The following YIPF7 variants were observed in gnomAD, a reference collection of about 807,000 sequenced individuals.
YIPF7 encodes the protein Yip1 domain family member 7, also known as protein YIPF7.
A neutral mutation model predicts 27.2 loss-of-function variants in YIPF7; 35 were observed. That is an observed-to-expected ratio of 1.29 (90% confidence interval 0.98 to 1.70). The LOEUF (loss-of-function observed/expected upper bound fraction) is 1.70, where lower values mean the gene tolerates loss of function less well. Among genes scored for constraint, YIPF7 ranks in the 40% most tolerant of loss-of-function variants. The pLI is 0.00. For synonymous variants in YIPF7, 137 were observed against 110.4 expected, an observed-to-expected ratio of 1.24 and a Z score of -1.51; for missense variants, 358 against 303.7, an observed-to-expected ratio of 1.18 and a Z score of -1.33.
chr4:44,622,450 T>A lies in YIPF7; in HGVS notation c.735A>T (p.Ile245=), dbSNP rs565150538. The change falls in exon 6 of 6, where the codon ATA becomes ATT. Residue 245 remains isoleucine, a synonymous_variant. Transcript: ENST00000415895. ...TTAGGAGGGCAAAAAGTCCATAAAG[T>A]ATGGCACAAGGGTAGGCAACAAGAA... ...QQLLVAYPCA[I]LYGLFALLTI... is the part of the protein sequence containing the mutation. 1.9e-5 allele frequency: 31 copies of A among 1,613,662 alleles called. 2 individuals are homozygous for A. In the South Asian group the frequency reaches 3.4e-4, roughly 18 times the overall value.
intron 2 of YIPF7, among the ~76,000 whole-genome samples, chr4:44,639,409 T>C (rs1326967830): frequency 6.6e-6 from 1 of 152,182 alleles, no homozygotes; most frequent in Non-Finnish European, 1.5e-5. Context: ...ATCTTTCACC[T>C]CCTTGGCTAA....
chr4:44,651,771 G>A (rs1219301661), upstream of YIPF7: 7 of 469,546 alleles, frequency 1.5e-5, no homozygotes, highest in African/African-American at 1.0e-4. Flanking sequence ...TACAAACACA[G>A]TGAACAGTGT....
intron 2 of YIPF7, among the ~76,000 whole-genome samples, chr4:44,639,224 TA>T (rs994605574): frequency 2.4e-4 from 36 of 152,276 alleles, no homozygotes; most frequent in African/African-American, 8.7e-4. Context: ...CTAATTCTGT[TA>T]AAAAATGCTG....
intron 2 of YIPF7, among the ~76,000 whole-genome samples, chr4:44,641,354 A>C (rs1048235148): frequency 6.6e-6 from 1 of 152,234 alleles, no homozygotes; most frequent in Non-Finnish European, 1.5e-5. Context: ...CTTGAATAAA[A>C]AAAAGAGTCC....
intron 2 of YIPF7, among the ~76,000 whole-genome samples, chr4:44,656,904 T>C (rs62306214): frequency 1.1e-3 from 168 of 152,296 alleles, no homozygotes; most frequent in Non-Finnish European, 1.9e-3. Flanking sequence ...TTACTTACTA[T>C]TTTGACTAAA....
chr4:44,645,552 T>C (rs1220508205), intron 2 of YIPF7, among the ~76,000 whole-genome samples: 2 of 152,208 alleles, frequency 1.3e-5, no homozygotes, highest in African/African-American at 4.8e-5. Context: ...TTGCAGAATA[T>C]GCCAAGAAAA....
intron 4 of YIPF7, among the ~76,000 whole-genome samples, chr4:44,627,883 C>T (rs1007343423): frequency 3.3e-5 from 5 of 152,040 alleles, no homozygotes; most frequent in Admixed American, 2.0e-4. Context: ...GCCTCTATTG[C>T]TTTGTATTTA....
intron 2 of YIPF7, among the ~76,000 whole-genome samples, chr4:44,648,810 T>G (rs1049533986): frequency 6.6e-6 from 1 of 152,128 alleles, no homozygotes; most frequent in African/African-American, 2.4e-5. Context: ...TTTTCCAGAT[T>G]AAGACAGTCA....
intron 2 of YIPF7, among the ~76,000 whole-genome samples, chr4:44,660,070 C>A (rs1377718058): frequency 6.1e-5 from 8 of 130,284 alleles, no homozygotes; most frequent in Admixed American, 5.2e-4. Context: ...GCGGAGATTG[C>A]GCCACTGCAC....
chr4:44,631,938 C>A lies in YIPF7; in HGVS notation c.281-2390G>T, dbSNP rs575519538. ...TAAAATGGTATTTAATTCCAAATAC[C>A]TTTTCCTCAGAAAATATAATTAGTT... On this transcript the variant is annotated intron_variant, in intron 3 of 5. Coordinates refer to ENST00000415895, the MANE Select transcript of YIPF7 (RefSeq NM_182592.3). 1.4e-4 allele frequency among the ~76,000 whole-genome samples: 22 copies of A among 151,998 alleles called. No individual in the cohort carries two copies. In the South Asian group the frequency reaches 4.6e-3, roughly 32 times the overall value.
At chr4:44,646,535 T>C (rs546276051) in intron 2 of YIPF7, among the ~76,000 whole-genome samples, 4 of 152,302 alleles carry the variant, frequency 2.6e-5, no homozygotes, top group Non-Finnish European at 5.9e-5. Flanking sequence ...ATAATATGAA[T>C]AGATTTCACA....
At chr4:44,646,034 A>T (rs575867324) in intron 2 of YIPF7, among the ~76,000 whole-genome samples, 1 of 152,334 alleles carries the variant, frequency 6.6e-6, no homozygotes, top group African/African-American at 2.4e-5. Flanking sequence ...TATACTGGAT[A>T]CAATTAGATA....
chr4:44,635,899 T>A (rs1210400551), intron 3 of YIPF7, 23 bp downstream of exon 3: 2 of 1,612,298 alleles, frequency 1.2e-6, no homozygotes, highest in African/African-American at 2.7e-5. Context: ...TGTACACACA[T>A]TAATAACACT....
Position 44,622,484 on chromosome 4 carries a change from C to A in YIPF7, c.701G>T (p.Gly234Val), listed in dbSNP as rs375303056. ...KIFIAALHME[G>V]QQLLVAYPCA... ...AGGGTAGGCAACAAGAAGCTGCTGTCCTTCCATGTGCAAGGCTGCAATGAA... is the reference window on the plus strand; with the variant it reads ...AGGGTAGGCAACAAGAAGCTGCTGTACTTCCATGTGCAAGGCTGCAATGAA... Residue 234 changes from glycine (G) to valine (V), a missense_variant, in exon 6 of 6, where the codon GGA becomes GTA. Coordinates refer to ENST00000415895, the MANE Select transcript of YIPF7 (RefSeq NM_182592.3). The A allele has an allele frequency of 6.2e-7, 1 of 1,613,922 alleles. No individual in the cohort carries two copies. The highest frequency in any genetic ancestry group is 1.1e-5 in the South Asian group (1 of 91,074).
At chr4:44,635,888 C>A (rs1713097593) in intron 3 of YIPF7, 34 bp downstream of exon 3, 1 of 1,608,088 alleles carries the variant, frequency 6.2e-7, no homozygotes, top group Non-Finnish European at 8.5e-7. Flanking sequence ...ATTCTTCTAG[C>A]TGTACACACA....
chr4:44,657,013 T>C (rs1685913317), intron 2 of YIPF7, among the ~76,000 whole-genome samples: 1 of 152,196 alleles, frequency 6.6e-6, no homozygotes, highest in Non-Finnish European at 1.5e-5. Flanking sequence ...GTCATAGTTA[T>C]GTTTTTTTAT....
At chr4:44,644,686 G>GCTT (rs1713462411) in intron 2 of YIPF7, among the ~76,000 whole-genome samples, 1 of 152,084 alleles carries the variant, frequency 6.6e-6, no homozygotes, top group Non-Finnish European at 1.5e-5. Context: ...AGACTTTGGG[G>GCTT]AACTGTTGGG....
At chr4:44,646,315 G>C (rs994161195) in intron 2 of YIPF7, among the ~76,000 whole-genome samples, 7 of 152,202 alleles carry the variant, frequency 4.6e-5, no homozygotes, top group Admixed American at 1.3e-4. Flanking sequence ...AGCTGGGATA[G>C]TTGGCTTCTG....
chr4:44,657,837 C>T (rs1713942721), intron 2 of YIPF7, among the ~76,000 whole-genome samples: 1 of 152,030 alleles, frequency 6.6e-6, no homozygotes, highest in Admixed American at 6.6e-5. Flanking sequence ...TGGGGAAAGT[C>T]ACACCTGGGA....
Sources: allele counts gnomAD v4.1 joint callset (sites outside exome capture counted in the v4.1 genomes callset), GRCh38; gene constraint gnomAD v4.1.1; transcripts MANE v1.5; gene names NCBI Gene and HGNC (gene_info 2026-07-23, HGNC 2026-07-21).